The following PSMB2 variants were observed in gnomAD, a reference collection of about 807,000 sequenced individuals.
PSMB2 encodes the protein proteasome subunit beta type-2.
PSMB2 carries 13 observed loss-of-function variants against 25.7 expected under a neutral mutation model. That is an observed-to-expected ratio of 0.51 (90% confidence interval 0.33 to 0.80). The LOEUF (loss-of-function observed/expected upper bound fraction) is 0.80. Among genes scored for constraint, PSMB2 ranks in the 30% least tolerant of loss-of-function variants. The pLI is 0.02. For missense variants in PSMB2, 202 were observed against 259.0 expected (o/e 0.78, Z 1.51); for synonymous variants, 87 against 96.2 (o/e 0.90, Z 0.56).
intron 3 of PSMB2, among the ~76,000 whole-genome samples, chr1:35,623,280 T>C (rs534299785): frequency 2.0e-5 from 3 of 152,326 alleles, no homozygotes; most frequent in African/African-American, 7.2e-5. Flanking sequence ...TTTTACTTTA[T>C]GTCCTGTTAA....
In PSMB2 at chr1:35,602,561, G is replaced by C. The variant is rs991304281; in HGVS notation, c.*706C>G. 6.6e-6 allele frequency: 1 copy of C among 152,142 alleles called. No homozygotes were observed. The highest frequency in any genetic ancestry group is 1.5e-5 in the Non-Finnish European group (1 of 68,106). The allele number at this position is 152,142 out of a possible 1,614,324, so 9.4% of individuals were successfully genotyped here. ...TTGCCAGGCTGGAGTACAGTGGCGC[G>C]ATCTAGGCTCACTGCAACCTCTGCC... is the stretch of plus-strand genomic sequence containing the variant. On this transcript the variant is annotated 3_prime_UTR_variant, in exon 6 of 6. Transcript: ENST00000373237.
chr1:35,600,423 A>G lies in PSMB2; in HGVS notation c.*2844T>C, dbSNP rs1253726764. On this transcript the variant is annotated 3_prime_UTR_variant, in exon 6 of 6. Coordinates refer to ENST00000373237, the MANE Select transcript of PSMB2 (RefSeq NM_002794.5). The stretch of plus-strand genomic sequence containing the variant: ...ACTGTGGTATATAGAAGATGTTAAC[A>G]TTACAGAAACTGAATAAGGGGTATA... 9.3e-6 allele frequency: 8 copies of G among 859,316 alleles called. No individual in the cohort carries two copies. Among genetic ancestry groups the G allele is most frequent in the Non-Finnish European group, 1.1e-5 (8 of 715,380 alleles). 53.2% of individuals were successfully genotyped at this position (859,316 alleles called of 1,614,324 possible). A position where few individuals can be genotyped will look rare whatever the true frequency, so the allele number is the denominator to read the frequency against.
chr1:35,627,551 G>A (rs983777777), intron 3 of PSMB2, among the ~76,000 whole-genome samples: 1 of 152,132 alleles, frequency 6.6e-6, no homozygotes, highest in African/African-American at 2.4e-5. Context: ...GGAGGCTGAG[G>A]TGGAAGGATC....
chr1:35,628,543 G>A (rs867605267), intron 3 of PSMB2, among the ~76,000 whole-genome samples: 2 of 101,598 alleles, frequency 2.0e-5, no homozygotes, highest in African/African-American at 3.9e-5. Context: ...GAGGAGTGAA[G>A]AAAAGACCAC....
At chr1:35,609,593 C>T (rs1375315922) in intron 3 of PSMB2, among the ~76,000 whole-genome samples, 185 bp from the exon 4 acceptor site, 3 of 152,146 alleles carry the variant, frequency 2.0e-5, no homozygotes, top group Non-Finnish European at 2.9e-5. Flanking sequence ...GGTCAAGGGA[C>T]GTCAGCTTGT....
chr1:35,631,159 G>A, intron 3 of PSMB2, 115 bp downstream of exon 3: 1 of 897,440 alleles, frequency 1.1e-6, no homozygotes, highest in Non-Finnish European at 1.8e-6. Flanking sequence ...GTAGCAACAG[G>A]AGGGGTTCTG....
In PSMB2 at chr1:35,605,202, T is replaced by G. The variant is rs1466388861; in HGVS notation, c.498+31A>C. 3 of 1,582,168 alleles carry G rather than the reference T, an allele frequency of 1.9e-6. No homozygotes were observed. In the South Asian group the frequency reaches 3.4e-5, roughly 18 times the overall value. ...ACACTGGCAAACAGAGAGACAAACA[T>G]TCCTTTCAGGATCCTATGGGAACTA... On this transcript the variant is annotated intron_variant, in intron 5 of 5. Coordinates refer to ENST00000373237, the MANE Select transcript of PSMB2 (RefSeq NM_002794.5).
At chr1:35,632,539 T>C (rs767116872) in intron 2 of PSMB2, among the ~76,000 whole-genome samples, 14 of 152,254 alleles carry the variant, frequency 9.2e-5, no homozygotes, top group Non-Finnish European at 1.8e-4. Context: ...TGCTGAGTGT[T>C]TTCACATGTA....
rs2148559535 is a variant in PSMB2 at position 35,601,905 on chromosome 1, T to TG, written c.*1361dup. On this transcript the variant is annotated 3_prime_UTR_variant, in exon 6 of 6. Transcript: ENST00000373237. Reference sequence around the variant, plus strand: ...TTATGCTAAGAGTAAAACGAGTAACTGGTTAACTGCCCATGATACATCAAT... The same window carrying TG: ...TTATGCTAAGAGTAAAACGAGTAACTGGGTTAACTGCCCATGATACATCAAT... 1.0e-6 allele frequency: 1 copy of TG among 985,442 alleles called. No homozygotes were observed. The highest frequency in any genetic ancestry group is 1.2e-6 in the Non-Finnish European group (1 of 829,922). The allele number at this position is 985,442 out of a possible 1,614,324, so 61.0% of individuals were successfully genotyped here.
intron 1 of PSMB2, 105 bp downstream of exon 1, chr1:35,641,237 C>T (rs949544040): frequency 7.8e-6 from 11 of 1,414,740 alleles, no homozygotes; most frequent in Non-Finnish European, 1.1e-5. Context: ...GGCAGGCCGG[C>T]TTCCATCTCT....
rs1649999846 is a variant in PSMB2, at chr1:35,601,510, A to G, written c.*1757T>C. The G allele has an allele frequency of 1.0e-6, 1 of 985,362 alleles. No homozygotes were observed. The highest frequency in any genetic ancestry group is 1.7e-5 in the African/African-American group (1 of 57,344). 61.0% of individuals were successfully genotyped at this position (985,362 alleles called of 1,614,324 possible). A position where few individuals can be genotyped will look rare whatever the true frequency, so the allele number is the denominator to read the frequency against. Reference sequence around the variant, plus strand: ...ATCATCTCTTTTCTCCCATTTACTCAATGATTAGCTTTCTTCTTATGGTGT... The same window carrying G: ...ATCATCTCTTTTCTCCCATTTACTCGATGATTAGCTTTCTTCTTATGGTGT... On this transcript the variant is annotated 3_prime_UTR_variant, in exon 6 of 6. Transcript: ENST00000373237.
rs1325526162 is a variant in PSMB2, at chr1:35,600,951, T to C, written c.*2316A>G. 63 of 984,674 alleles carry C rather than the reference T, an allele frequency of 6.4e-5. No individual in the cohort carries two copies. Among genetic ancestry groups the C allele is most frequent in the Non-Finnish European group, 7.2e-5 (60 of 829,582 alleles). The allele number at this position is 984,674 out of a possible 1,614,324, so 61.0% of individuals were successfully genotyped here. A position where few individuals can be genotyped will look rare whatever the true frequency, so the allele number is the denominator to read the frequency against. Reference sequence around the variant, plus strand: ...GAATTCTCATATCTACCACATAGAATAGGTGCTATTTCAGTCATTGTACAG... The same window carrying C: ...GAATTCTCATATCTACCACATAGAACAGGTGCTATTTCAGTCATTGTACAG... On this transcript the variant is annotated 3_prime_UTR_variant, in exon 6 of 6. Coordinates refer to ENST00000373237, the MANE Select transcript of PSMB2 (RefSeq NM_002794.5).
chr1:35,633,957 CGTT>C (rs896534094), intron 2 of PSMB2, among the ~76,000 whole-genome samples: 4 of 152,204 alleles, frequency 2.6e-5, no homozygotes, highest in Admixed American at 1.3e-4. Context: ...CAGTGTATAA[CGTT>C]GTTATTGAAC....
In PSMB2 at chr1:35,636,334, C is replaced by T. The variant is rs1387223283; in HGVS notation, c.190G>A (p.Val64Met). The T allele has an allele frequency of 1.9e-6, 3 of 1,614,058 alleles. No individual in the cohort carries two copies. The highest frequency in any genetic ancestry group is 2.2e-5 in the East Asian group (1 of 44,866). The change falls in exon 2 of 6, where the codon GTG becomes ATG. Residue 64 changes from valine to methionine, a missense_variant. Transcript: ENST00000373237. ...VQFAEYIQKN[V>M]QLYKMRNGYE... ...CCATTTCGCATCTTATAAAGTTGCACGTTTTTCTGAATATATTCTGCAAAC... is the reference window on the plus strand; with the variant it reads ...CCATTTCGCATCTTATAAAGTTGCATGTTTTTCTGAATATATTCTGCAAAC...
At position 35,599,615 on chromosome 1, in the gene PSMB2, G is replaced by A. The variant is rs1649931331; in HGVS notation, c.*3652C>T. On this transcript the variant is annotated 3_prime_UTR_variant, in exon 6 of 6. Coordinates refer to ENST00000373237, the MANE Select transcript of PSMB2 (RefSeq NM_002794.5). ...GGGAGTTAGGTTCGGAGAGGATTAT[G>A]GAATGCCTAGCATGTCAAATCAAAG... The A allele has an allele frequency of 1.8e-5, 18 of 984,338 alleles. No homozygotes were observed. The highest frequency in any genetic ancestry group is 2.2e-5 in the Non-Finnish European group (18 of 829,070). The allele number at this position is 984,338 out of a possible 1,614,324, so 61.0% of individuals were successfully genotyped here.
At chr1:35,628,625 A>ATTTTT (rs1293637771) in intron 3 of PSMB2, among the ~76,000 whole-genome samples, 1 of 44,020 alleles carries the variant, frequency 2.3e-5, no homozygotes, top group Admixed American at 4.2e-4. Flanking sequence ...ATATATATAT[A>ATTTTT]TATATATTTT....
chr1:35,619,310 C>T (rs1183980344), intron 3 of PSMB2, among the ~76,000 whole-genome samples: 1 of 152,228 alleles, frequency 6.6e-6, no homozygotes, highest in Non-Finnish European at 1.5e-5. Context: ...AGAAAAACAT[C>T]CTTTAAATTA....
intron 3 of PSMB2, among the ~76,000 whole-genome samples, chr1:35,620,710 A>C (rs1316553258): frequency 6.6e-6 from 1 of 151,518 alleles, no homozygotes; most frequent in Non-Finnish European, 1.5e-5. Flanking sequence ...CCTGGGCGAC[A>C]AGGCAAGACT....
At chr1:35,637,991 C>T (rs1157323463) in intron 1 of PSMB2, among the ~76,000 whole-genome samples, 3 of 152,024 alleles carry the variant, frequency 2.0e-5, no homozygotes, top group Non-Finnish European at 4.4e-5. Context: ...ACTTAACATG[C>T]CTCACTTTTA....
Sources: allele counts gnomAD v4.1 joint callset (sites outside exome capture counted in the v4.1 genomes callset), GRCh38; gene constraint gnomAD v4.1.1; transcripts MANE v1.5; gene names NCBI Gene and HGNC (gene_info 2026-07-23, HGNC 2026-07-21).